The following CNOT4 variants were observed in gnomAD, a reference collection of about 807,000 sequenced individuals.
CNOT4 encodes CCR4-associated factor 4.
A neutral mutation model predicts 73.8 loss-of-function variants in CNOT4; 8 were observed. That is an observed-to-expected ratio of 0.11 (90% CI 0.06 to 0.20). The LOEUF is 0.20. Ranked by LOEUF, CNOT4 falls within the 10% of genes least tolerant of loss-of-function variation. The probability of loss-of-function intolerance (pLI) is 1.00; values close to 1 mark genes in which losing one functional copy is unlikely to be tolerated. For missense variants in CNOT4, 564 were observed against 883.4 expected, an observed-to-expected ratio of 0.64 and a Z score of 4.58; for synonymous variants, 293 against 321.1, an observed-to-expected ratio of 0.91 and a Z score of 0.94.
At chr7:135,467,370 C>T (rs982227035) in intron 1 of CNOT4, among the ~76,000 whole-genome samples, 2 of 152,150 alleles carry the variant, frequency 1.3e-5, no homozygotes, top group African/African-American at 4.8e-5. Context: ...TCCCCACCAT[C>T]GCTGTGAGTC....
intron 10 of CNOT4, 74 bp downstream of exon 10, chr7:135,393,844 T>C: frequency 5.2e-6 from 5 of 961,846 alleles, no homozygotes; most frequent in Non-Finnish European, 6.4e-6. Flanking sequence ...TATTCAACAG[T>C]TACTTCCCTA....
rs779961694 is a variant in CNOT4 at position 135,362,664 on chromosome 7, G to C, written c.*221C>G. 4 of 676,824 alleles carry C rather than the reference G, an allele frequency of 5.9e-6. No individual in the cohort carries two copies. The highest frequency in any genetic ancestry group is 4.3e-5 in the Admixed American group (2 of 46,284). 41.9% of individuals were successfully genotyped at this position (676,824 alleles called of 1,614,324 possible). ...AAGGCATTTTTAGAAACATTCAACA[G>C]TGTCACTCAAATGCTGGATCAACAA... is the stretch of plus-strand genomic sequence containing the variant. On this transcript the variant is annotated 3_prime_UTR_variant, in exon 12 of 12. Coordinates refer to ENST00000541284, the MANE Select transcript of CNOT4 (RefSeq NM_001190850.2).
At chr7:135,489,629 C>T (rs1335351593) in intron 1 of CNOT4, among the ~76,000 whole-genome samples, 2 of 151,950 alleles carry the variant, frequency 1.3e-5, no homozygotes, top group Admixed American at 1.3e-4. Flanking sequence ...CTCCTGACCT[C>T]GTGTGATCTG....
chr7:135,399,496 A>G (rs1312647980), intron 7 of CNOT4, among the ~76,000 whole-genome samples: 1 of 152,134 alleles, frequency 6.6e-6, no homozygotes, highest in Non-Finnish European at 1.5e-5. Context: ...TTGTTGACCA[A>G]AACAAAACAT....
At position 135,439,924 on chromosome 7, in the gene CNOT4, C is replaced by G. The variant is rs547079661; in HGVS notation, c.-92-1501G>C. Among the ~76,000 whole-genome samples, 6 of 151,380 alleles carry G rather than the reference C, an allele frequency of 4.0e-5. No individual in the cohort carries two copies. The East Asian group carries it at 9.7e-4, about 24-fold the overall frequency. On this transcript the variant is annotated intron_variant, in intron 1 of 11. Transcript: ENST00000541284. ...ATTTGAATAAAAAATAGTATATAATCTAATACTGCAATTTTAAAAAATCCC... is the reference window on the plus strand; with the variant it reads ...ATTTGAATAAAAAATAGTATATAATGTAATACTGCAATTTTAAAAAATCCC...
At chr7:135,420,978 G>A (rs973588458) in intron 3 of CNOT4, among the ~76,000 whole-genome samples, 2 of 152,154 alleles carry the variant, frequency 1.3e-5, no homozygotes, top group Non-Finnish European at 2.9e-5. Context: ...TTGATGTCCT[G>A]AGTATCATGT....
intron 2 of CNOT4, among the ~76,000 whole-genome samples, chr7:135,424,858 T>C (rs1253812375): frequency 6.6e-6 from 1 of 152,182 alleles, no homozygotes; most frequent in Non-Finnish European, 1.5e-5. Context: ...TGCTCTTCAC[T>C]GACATCTAAA....
At chr7:135,432,413 T>C (rs926882698) in intron 2 of CNOT4, among the ~76,000 whole-genome samples, 9 of 152,378 alleles carry the variant, frequency 5.9e-5, no homozygotes, top group Admixed American at 5.9e-4. Context: ...TTTTGTCTGA[T>C]TATATTTTTA....
chr7:135,460,265 T>A (rs907100485), intron 1 of CNOT4, among the ~76,000 whole-genome samples: 4 of 152,248 alleles, frequency 2.6e-5, no homozygotes, highest in African/African-American at 9.6e-5. Context: ...CCTCAAGTTT[T>A]CCTTTGCATT....
At chr7:135,424,036 ACAAAACACAC>A (rs1295939387) in intron 2 of CNOT4, among the ~76,000 whole-genome samples, 48 of 135,136 alleles carry the variant, frequency 3.6e-4, no homozygotes, top group African/African-American at 1.0e-3. Flanking sequence ...AAACAAACAA[ACAAAACACAC>A]ACACACACAC....
chr7:135,366,702 T>C (rs1794935536), intron 10 of CNOT4, among the ~76,000 whole-genome samples: 1 of 152,218 alleles, frequency 6.6e-6, no homozygotes. Context: ...TACAGGGAAG[T>C]AGAATGATGC....
chr7:135,387,805 T>C lies in CNOT4; in HGVS notation c.1627+6113A>G, dbSNP rs147887853. ...TATGTCCTAATAAAGTACTCCACTA[T>C]TCTCTTGATTAAAATTATCTGTTAC... On this transcript the variant is annotated intron_variant, in intron 10 of 11. Coordinates refer to ENST00000541284, the MANE Select transcript of CNOT4 (RefSeq NM_001190850.2). 631 of 979,806 alleles carry C rather than the reference T, an allele frequency of 6.4e-4. 3 individuals carry two copies. The African/African-American group carries it at 0.01, about 16-fold the overall frequency. 60.7% of individuals were successfully genotyped at this position (979,806 alleles called of 1,614,324 possible).
At chr7:135,474,896 GA>G (rs1278259668) in intron 1 of CNOT4, among the ~76,000 whole-genome samples, 1 of 151,978 alleles carries the variant, frequency 6.6e-6, no homozygotes, top group Non-Finnish European at 1.5e-5. Context: ...AAACCATAAT[GA>G]TGGTAATATC....
At chr7:135,472,520 T>TATATATATATATATAC (rs1801693551) in intron 1 of CNOT4, among the ~76,000 whole-genome samples, 2 of 14,946 alleles carry the variant, frequency 1.3e-4, no homozygotes, top group Non-Finnish European at 2.2e-4. Context: ...AAAAAATATA[T>TATATATATATATATAC]ATATATATAT....
intron 6 of CNOT4, among the ~76,000 whole-genome samples, chr7:135,411,002 C>T (rs1797561388): frequency 6.6e-6 from 1 of 151,830 alleles, no homozygotes; most frequent in Admixed American, 6.6e-5. Flanking sequence ...AACCTACTTC[C>T]AAGTCTTTCA....
Position 135,378,230 on chromosome 7 carries a change from G to A in CNOT4, c.1628-14164C>T, listed in dbSNP as rs537759121. Among the ~76,000 whole-genome samples the A allele has an allele frequency of 3.3e-5, 5 of 152,290 alleles. No individual in the cohort carries two copies. The East Asian group carries it at 5.8e-4, about 18-fold the overall frequency. ...ATTTAAAAGAGAGAGAAGGCTGGGC[G>A]CAGTGGGTCACGCCTGTAATCCCAG... On this transcript the variant is annotated intron_variant, in intron 10 of 11. Transcript: ENST00000541284.
In CNOT4 at chr7:135,510,068, C is replaced by G; in HGVS notation, c.-272G>C. 1 of 399,120 alleles carries G rather than the reference C, an allele frequency of 2.5e-6. No individual in the cohort carries two copies. 24.7% of individuals were successfully genotyped at this position (399,120 alleles called of 1,614,324 possible). A position where few individuals can be genotyped will look rare whatever the true frequency, so the allele number is the denominator to read the frequency against. On this transcript the variant is annotated 5_prime_UTR_variant, in exon 1 of 12. Transcript: ENST00000541284. ...GCTTTCGGTGGGTTCCACAGCCAGA[C>G]GGGCCACCATCTTACATTAGGGTAA...
chr7:135,443,426 C>T (rs891952588), intron 1 of CNOT4, among the ~76,000 whole-genome samples: 2 of 151,800 alleles, frequency 1.3e-5, no homozygotes, highest in Non-Finnish European at 2.9e-5. Flanking sequence ...ACACTATATC[C>T]TTTATAAAAT....
At chr7:135,476,429 G>A (rs1440272445) in intron 1 of CNOT4, among the ~76,000 whole-genome samples, 9 of 152,196 alleles carry the variant, frequency 5.9e-5, no homozygotes, top group Admixed American at 2.6e-4. Flanking sequence ...GTATGTTATG[G>A]AGTATACGAA....
Sources: gnomAD v4.1 joint callset for allele counts (sites outside exome capture counted in the v4.1 genomes callset) on GRCh38, gnomAD v4.1.1 for gene constraint, MANE v1.5 for transcripts, NCBI Gene and HGNC (gene_info 2026-07-23, HGNC 2026-07-21) for gene names.